TMEM132D: variants seen among roughly 807,000 people sequenced by gnomAD.
The protein encoded by TMEM132D is mature OL transmembrane protein.
In TMEM132D, 21 loss-of-function variants were observed where a neutral mutation model predicts 62.3. The observed-to-expected ratio is 0.34, with a 90% CI of 0.24 to 0.49. The LOEUF is 0.49. Among genes scored for constraint, TMEM132D ranks in the 20% least tolerant of loss-of-function variants. The pLI is 0.99. For missense variants in TMEM132D, 1,346 were observed against 1,402.8 expected, an observed-to-expected ratio of 0.96 and a Z score of 0.65; for synonymous variants, 621 against 575.6, an observed-to-expected ratio of 1.08 and a Z score of -1.13.
intron 1 of TMEM132D, among the ~76,000 whole-genome samples, chr12:129,728,359 TGC>T (rs1869110088): frequency 6.6e-6 from 1 of 152,234 alleles, no homozygotes; most frequent in South Asian, 2.1e-4. Flanking sequence ...CAACACATTT[TGC>T]TTCTGAGTGA....
chr12:129,440,025 G>A (rs1209937134), intron 3 of TMEM132D, among the ~76,000 whole-genome samples: 2 of 152,122 alleles, frequency 1.3e-5, no homozygotes, highest in Non-Finnish European at 2.9e-5. Context: ...ATCCCAGAAT[G>A]AAAAAGAGGT....
At chr12:129,140,890 A>G (rs1377601835) in intron 5 of TMEM132D, among the ~76,000 whole-genome samples, 1 of 152,086 alleles carries the variant, frequency 6.6e-6, no homozygotes, top group Non-Finnish European at 1.5e-5. Flanking sequence ...GAAGGTATCA[A>G]TAGTTCTTTC....
At chr12:129,752,271 C>A (rs1870023501) in intron 1 of TMEM132D, among the ~76,000 whole-genome samples, 1 of 152,110 alleles carries the variant, frequency 6.6e-6, no homozygotes, top group South Asian at 2.1e-4. Flanking sequence ...GCATGTATAG[C>A]ATTATCGGAA....
At chr12:129,135,451 G>C (rs1337204375) in intron 5 of TMEM132D, among the ~76,000 whole-genome samples, 1 of 152,180 alleles carries the variant, frequency 6.6e-6, no homozygotes, top group African/African-American at 2.4e-5. Context: ...GGGAGGCACT[G>C]TTGGGGAGAT....
intron 2 of TMEM132D, among the ~76,000 whole-genome samples, chr12:129,697,365 C>G (rs970373867): frequency 2.0e-5 from 3 of 152,148 alleles, no homozygotes; most frequent in Admixed American, 2.0e-4. Context: ...TTATTATTTT[C>G]TAATTATAGG....
chr12:129,859,403 T>A (rs1173248899), intron 1 of TMEM132D, among the ~76,000 whole-genome samples: 1 of 152,236 alleles, frequency 6.6e-6, no homozygotes, highest in Non-Finnish European at 1.5e-5. Context: ...CAGTGTTCTC[T>A]TTTCTTTTCA....
chr12:129,507,538 T>C (rs542372467), intron 3 of TMEM132D, among the ~76,000 whole-genome samples: 1 of 152,260 alleles, frequency 6.6e-6, no homozygotes, highest in East Asian at 1.9e-4. Flanking sequence ...TAAGAAGTAA[T>C]GAATTAATGG....
At chr12:129,259,677 T>C (rs1026681199) in intron 4 of TMEM132D, among the ~76,000 whole-genome samples, 3 of 152,010 alleles carry the variant, frequency 2.0e-5, no homozygotes, top group Admixed American at 2.0e-4. Flanking sequence ...AGGTGTAAAA[T>C]GGAGGTCATA....
In TMEM132D at chr12:129,834,366, T is replaced by C. The variant is rs575641278; in HGVS notation, c.79+68895A>G. On this transcript the variant is annotated intron_variant, in intron 1 of 8. Transcript: ENST00000422113. ...CACCATCGGGCCAGCATCAAGATAA[T>C]GGCAACCAAACCTCAGGACAGGCAA... 2.6e-5 allele frequency among the ~76,000 whole-genome samples: 4 copies of C among 152,112 alleles called. No homozygotes were observed. In the South Asian group the frequency reaches 8.3e-4, roughly 32 times the overall value.
At chr12:129,182,695 C>G (rs144702848) in intron 5 of TMEM132D, among the ~76,000 whole-genome samples, 91 of 152,314 alleles carry the variant, frequency 6.0e-4, no homozygotes, top group Admixed American at 1.7e-3. Context: ...CACATCTTCC[C>G]AGAAATACTT....
At chr12:129,383,925 C>T (rs763468063) in intron 3 of TMEM132D, among the ~76,000 whole-genome samples, 7 of 152,174 alleles carry the variant, frequency 4.6e-5, no homozygotes, top group South Asian at 2.1e-4. Flanking sequence ...CATAAGGACC[C>T]GGAATGAGGA....
At chr12:129,218,997 T>A (rs952062498) in intron 4 of TMEM132D, among the ~76,000 whole-genome samples, 4 of 152,102 alleles carry the variant, frequency 2.6e-5, no homozygotes, top group Admixed American at 6.5e-5. Context: ...GTTACAGGTT[T>A]CCCCGGGTGT....
rs7307926 is a variant in TMEM132D at position 129,751,507 on chromosome 12, C to T, written c.80-50809G>A. Among the ~76,000 whole-genome samples, 992 of 150,764 alleles carry T rather than the reference C, an allele frequency of 6.6e-3. 12 individuals are homozygous for T. Among genetic ancestry groups the T allele is most frequent in the African/African-American group, 0.022 (914 of 41,116 alleles). On this transcript the variant is annotated intron_variant, in intron 1 of 8. Transcript: ENST00000422113. ...TCAGTCCCCACAGCATTTCCTGTGT[C>T]GCCCCCACCAGCCAGCCTCCAGCTC...
At chr12:129,486,806 G>T (rs973743742) in intron 3 of TMEM132D, among the ~76,000 whole-genome samples, 4 of 128,022 alleles carry the variant, frequency 3.1e-5, no homozygotes, top group Admixed American at 2.5e-4. Flanking sequence ...CCATTATTAA[G>T]CACATTATTA....
chr12:129,603,818 C>T (rs61943512), intron 2 of TMEM132D, among the ~76,000 whole-genome samples: 7,393 of 152,188 alleles, frequency 0.049, 281 homozygotes, highest in South Asian at 0.11. Flanking sequence ...CCCATTACTG[C>T]GTATATACCC....
At chr12:129,347,113 G>A (rs754358355) in intron 3 of TMEM132D, among the ~76,000 whole-genome samples, 2 of 152,138 alleles carry the variant, frequency 1.3e-5, no homozygotes, top group South Asian at 2.1e-4. Flanking sequence ...AATCGGTATC[G>A]TGAAAATGGC....
At chr12:129,304,813 G>A (rs557971953) in intron 4 of TMEM132D, among the ~76,000 whole-genome samples, 16 of 151,936 alleles carry the variant, frequency 1.1e-4, no homozygotes, top group Admixed American at 5.9e-4. Flanking sequence ...ATAGGCGTGC[G>A]CCACTATGCC....
intron 3 of TMEM132D, among the ~76,000 whole-genome samples, chr12:129,394,404 A>G (rs1871365778): frequency 6.6e-6 from 1 of 152,216 alleles, no homozygotes; most frequent in African/African-American, 2.4e-5. Flanking sequence ...GTTGGTCAAT[A>G]CAATTATTGA....
At position 129,337,647 on chromosome 12, in the gene TMEM132D, A is replaced by G; in HGVS notation, c.1286T>C (p.Val429Ala). 4 of 1,614,026 alleles carry G rather than the reference A, an allele frequency of 2.5e-6. No homozygotes were observed. Among genetic ancestry groups the G allele is most frequent in the Non-Finnish European group, 3.4e-6 (4 of 1,179,952 alleles). ...GGGCTTGCTTACCATAGCCAGCGGC[A>G]CAACTCCAATCAAGTCCTTTGGGCT... ...YVSPKDLIGVVPLAMEAEILN... is the reference protein window; with the variant it reads ...YVSPKDLIGVAPLAMEAEILN... Residue 429 changes from valine to alanine, a missense_variant, in exon 4 of 9, where the codon GTG becomes GCG. Transcript: ENST00000422113.
Sources: gnomAD v4.1 joint callset for allele counts (sites outside exome capture counted in the v4.1 genomes callset) on GRCh38, gnomAD v4.1.1 for gene constraint, MANE v1.5 for transcripts, NCBI Gene and HGNC (gene_info 2026-07-23, HGNC 2026-07-21) for gene names.